The following GUCY1A2 variants were observed in gnomAD, a reference collection of about 807,000 sequenced individuals.
GUCY1A2 encodes the protein guanylate cyclase 1 soluble subunit alpha 2.
Under a neutral mutation model 63.5 loss-of-function variants are expected in GUCY1A2, and 27 were observed. The ratio of observed to expected loss-of-function variants is 0.43; its 90% confidence interval spans 0.31 to 0.59. The LOEUF is 0.59. Among genes scored for constraint, GUCY1A2 ranks in the 20% least tolerant of loss-of-function variants. GUCY1A2 has a pLI of 0.11. For synonymous variants in GUCY1A2, 364 were observed against 343.5 expected (o/e 1.06, Z -0.66); for missense variants, 768 against 913.3 (o/e 0.84, Z 2.05).
chr11:106,868,665 A>G lies in GUCY1A2; in HGVS notation c.1207-58187T>C, dbSNP rs182873994. Among the ~76,000 whole-genome samples the G allele has an allele frequency of 8.0e-4, 122 of 152,314 alleles. 1 individual carries two copies. In the East Asian group the frequency reaches 0.021, roughly 26 times the overall value. ...ATGGATAGGAAGAATCAATATCATG[A>G]AAATGGCCCTACTGCCCAAGGTAAT... is the stretch of plus-strand genomic sequence containing the variant. On this transcript the variant is annotated intron_variant, in intron 4 of 7. Coordinates refer to ENST00000526355, the MANE Select transcript of GUCY1A2 (RefSeq NM_000855.3).
At chr11:106,850,229 A>C (rs948145142) in intron 4 of GUCY1A2, among the ~76,000 whole-genome samples, 4 of 151,716 alleles carry the variant, frequency 2.6e-5, no homozygotes, top group African/African-American at 9.7e-5. Flanking sequence ...GTTGATATTT[A>C]ATAATTGTAT....
At chr11:106,779,248 A>C (rs2135404464) in intron 5 of GUCY1A2, among the ~76,000 whole-genome samples, 1 of 152,340 alleles carries the variant, frequency 6.6e-6, no homozygotes, top group East Asian at 1.9e-4. Flanking sequence ...TTATACTATA[A>C]GAATAGAAAG....
intron 7 of GUCY1A2, among the ~76,000 whole-genome samples, chr11:106,688,748 G>C (rs1862571602): frequency 2.0e-5 from 3 of 152,188 alleles, no homozygotes; most frequent in African/African-American, 4.8e-5. Flanking sequence ...AAAAGTATTT[G>C]CAGTGGGAGG....
At chr11:106,936,052 C>T (rs191204235) in intron 4 of GUCY1A2, among the ~76,000 whole-genome samples, 1 of 152,180 alleles carries the variant, frequency 6.6e-6, no homozygotes, top group East Asian at 1.9e-4. Flanking sequence ...CTCTCCCAGC[C>T]TGTTGATACT....
Position 106,940,074 on chromosome 11 carries a change from C to T in GUCY1A2, c.592G>A (p.Asp198Asn). Residue 198 changes from aspartate (D) to asparagine (N), a missense_variant, in exon 4 of 8, where the codon GAC (aspartate) becomes AAC (asparagine). This residue lies in a region of GUCY1A2 where 496 missense variants were observed against 486.9 expected (regional missense o/e 1.02). Coordinates refer to ENST00000526355, the MANE Select transcript of GUCY1A2 (RefSeq NM_000855.3). ...AAAGCATCAAAGCCGTTAAAAAAGT[C>T]CTGCAAAGTGCCACCTACAGCTCGA... The part of the protein sequence containing the change: ...VLRAVGGTLQ[D>N]FFNGFDALLE... 1 of 1,613,556 alleles carries T rather than the reference C, an allele frequency of 6.2e-7. No homozygotes were observed. The highest frequency in any genetic ancestry group is 8.5e-7 in the Non-Finnish European group (1 of 1,179,492).
chr11:106,876,579 A>G (rs1056700190), intron 4 of GUCY1A2, among the ~76,000 whole-genome samples: 1 of 152,024 alleles, frequency 6.6e-6, no homozygotes, highest in Non-Finnish European at 1.5e-5. Context: ...CCAACCTCCT[A>G]TAAATACCAT....
At chr11:106,779,234 A>AAAATT (rs1864416212) in intron 5 of GUCY1A2, among the ~76,000 whole-genome samples, 1 of 152,200 alleles carries the variant, frequency 6.6e-6, no homozygotes, top group African/African-American at 2.4e-5. Context: ...AAATGAAAAT[A>AAAATT]AAATTATACT....
intron 4 of GUCY1A2, among the ~76,000 whole-genome samples, chr11:106,869,229 A>T (rs1033064263): frequency 1.3e-5 from 2 of 152,192 alleles, no homozygotes; most frequent in Admixed American, 6.5e-5. Context: ...CACCAAAAGC[A>T]ATGGCAACAA....
chr11:106,956,042 T>G (rs1327313425), intron 3 of GUCY1A2, among the ~76,000 whole-genome samples: 3 of 151,758 alleles, frequency 2.0e-5, no homozygotes, highest in African/African-American at 7.3e-5. Flanking sequence ...AAGGTAGTTT[T>G]CAAACTCTGA....
chr11:106,936,597 C>G, intron 4 of GUCY1A2: 1 of 948,212 alleles, frequency 1.1e-6, no homozygotes, highest in South Asian at 1.5e-5. Context: ...TAGAGGAAAC[C>G]AAGTGATAGA....
At chr11:106,733,209 T>A in intron 6 of GUCY1A2, among the ~76,000 whole-genome samples, 1 of 74,040 alleles carries the variant, frequency 1.4e-5, no homozygotes, top group African/African-American at 4.3e-5. Context: ...GGAGTTTTAT[T>A]TTTTTAAATG....
chr11:106,982,590 G>T (rs1861351686), intron 2 of GUCY1A2, among the ~76,000 whole-genome samples: 1 of 152,198 alleles, frequency 6.6e-6, no homozygotes, highest in African/African-American at 2.4e-5. Context: ...TGAGGTAGGT[G>T]ATGGAGAGAT....
chr11:106,745,244 A>C (rs1863766913), intron 6 of GUCY1A2, among the ~76,000 whole-genome samples: 1 of 152,182 alleles, frequency 6.6e-6, no homozygotes. Flanking sequence ...CTATATTTAA[A>C]AGGGTCTTAC....
At chr11:106,768,511 A>G (rs1591268401) in intron 6 of GUCY1A2, among the ~76,000 whole-genome samples, 1 of 152,128 alleles carries the variant, frequency 6.6e-6, no homozygotes, top group East Asian at 1.9e-4. Flanking sequence ...CTTTTATTTA[A>G]TGTATACACA....
At chr11:106,690,701 C>A (rs1387394526) in intron 7 of GUCY1A2, among the ~76,000 whole-genome samples, 2 of 152,082 alleles carry the variant, frequency 1.3e-5, no homozygotes, top group Non-Finnish European at 2.9e-5. Context: ...TACCCCTGAA[C>A]TTAAAAGCTG....
chr11:106,944,061 A>T (rs1327906017), intron 3 of GUCY1A2, among the ~76,000 whole-genome samples: 1 of 151,282 alleles, frequency 6.6e-6, no homozygotes, highest in Non-Finnish European at 1.5e-5. Context: ...TACAAAAATT[A>T]GCAGGGCATG....
intron 5 of GUCY1A2, among the ~76,000 whole-genome samples, chr11:106,781,610 CTG>C (rs1433722527): frequency 6.6e-6 from 1 of 152,052 alleles, no homozygotes; most frequent in East Asian, 1.9e-4. Flanking sequence ...CCTACTTAGA[CTG>C]GAGTACGGTG....
chr11:106,905,521 C>T lies in GUCY1A2; in HGVS notation c.1206+33939G>A, dbSNP rs759510633. Reference sequence around the variant, plus strand: ...CTCCAATACAGTTACATGAAGGGTACGCCTTCAACACATAACTTTTGGGGG... The same window carrying T: ...CTCCAATACAGTTACATGAAGGGTATGCCTTCAACACATAACTTTTGGGGG... On this transcript the variant is annotated intron_variant, in intron 4 of 7. Transcript: ENST00000526355. Among the ~76,000 whole-genome samples the T allele has an allele frequency of 1.1e-4, 17 of 152,130 alleles. No individual in the cohort carries two copies. In the East Asian group the frequency reaches 1.2e-3, roughly 10 times the overall value.
At chr11:106,934,213 T>C (rs1020513263) in intron 4 of GUCY1A2, among the ~76,000 whole-genome samples, 1 of 152,184 alleles carries the variant, frequency 6.6e-6, no homozygotes, top group Non-Finnish European at 1.5e-5. Context: ...TCATTCATAC[T>C]TACAAGAACA....
Sources: gnomAD v4.1 joint callset for allele counts (sites outside exome capture counted in the v4.1 genomes callset) on GRCh38, gnomAD v4.1.1 for gene constraint, gnomAD v4.1.1 regional missense constraint, MANE v1.5 for transcripts, NCBI Gene and HGNC (gene_info 2026-07-23, HGNC 2026-07-21) for gene names.